Variants in DUSP22 observed in about 807,000 individuals in gnomAD.
The protein encoded by DUSP22 is dual specificity phosphatase 22, also known as dual specificity protein phosphatase 22.
DUSP22 carries 24 observed loss-of-function variants against 24.5 expected under a neutral mutation model. That is an observed-to-expected ratio of 0.98 (90% confidence interval 0.71 to 1.38). The LOEUF (loss-of-function observed/expected upper bound fraction) is 1.38. DUSP22 is among the 40% of genes most tolerant of loss of function. The pLI, the probability that DUSP22 is intolerant of heterozygous loss-of-function variation, is 0.00. For synonymous variants in DUSP22, 160 were observed against 106.4 expected (o/e 1.50, Z -3.10); for missense variants, 330 against 269.2 (o/e 1.23, Z -1.58).
chr6:327,965 G>A (rs1027537782), intron 3 of DUSP22, among the ~76,000 whole-genome samples: 27 of 152,294 alleles, frequency 1.8e-4, no homozygotes, highest in Admixed American at 1.5e-3. Flanking sequence ...TGTGAAAATG[G>A]GTCTTCTCTA....
chr6:346,350 T>C (rs1368944984), intron 5 of DUSP22, among the ~76,000 whole-genome samples: 1 of 152,304 alleles, frequency 6.6e-6, no homozygotes, highest in African/African-American at 2.4e-5. Context: ...ATGTGGATTT[T>C]CAGTATCGCG....
At chr6:294,785 G>A (rs578207796) in intron 1 of DUSP22, among the ~76,000 whole-genome samples, 901 of 152,102 alleles carry the variant, frequency 5.9e-3, no homozygotes, top group African/African-American at 0.02. Context: ...TGTGTGTGGG[G>A]GTGAGAGAGA....
chr6:296,640 C>G (rs1311046464), intron 1 of DUSP22, among the ~76,000 whole-genome samples: 1 of 152,420 alleles, frequency 6.6e-6, no homozygotes, highest in Admixed American at 6.5e-5. Context: ...AAACTCCTAT[C>G]CTCACTGTCT....
intron 1 of DUSP22, among the ~76,000 whole-genome samples, chr6:295,826 A>G (rs1465574776): frequency 6.6e-6 from 1 of 152,088 alleles, no homozygotes; most frequent in African/African-American, 2.4e-5. Context: ...AAACCCAACA[A>G]CAACACAGTT....
intron 4 of DUSP22, among the ~76,000 whole-genome samples, chr6:345,131 A>T (rs1190703308): frequency 6.6e-6 from 1 of 152,302 alleles, no homozygotes; most frequent in African/African-American, 2.4e-5. Context: ...AGGCTGAGAC[A>T]GCTCCAGCCA....
At chr6:311,797 GTTT>G in intron 2 of DUSP22, 80 bp from the exon 3 acceptor site, 14 of 1,156,978 alleles carry the variant, frequency 1.2e-5, no homozygotes, top group Admixed American at 2.8e-5. Context: ...CATTTTGTGG[GTTT>G]TTTTTTTTTT....
rs1760153300 is a variant in DUSP22 at position 350,600 on chromosome 6, G to C, written c.*1649G>C. 2.8e-6 allele frequency: 4 copies of C among 1,433,368 alleles called. No homozygotes were observed. In the Admixed American group the frequency reaches 8.2e-5, roughly 29 times the overall value. The allele number at this position is 1,433,368 out of a possible 1,614,324, so 88.8% of individuals were successfully genotyped here. Reference sequence around the variant, plus strand: ...AGGCCCCGGATGTACACCCGGAAAGGGGAGTGTGGCTGTAGAATCATCCAT... The same window carrying C: ...AGGCCCCGGATGTACACCCGGAAAGCGGAGTGTGGCTGTAGAATCATCCAT... On this transcript the variant is annotated 3_prime_UTR_variant, in exon 7 of 7. Coordinates refer to ENST00000419235, the MANE Select transcript of DUSP22 (RefSeq NM_001286555.3).
intron 1 of DUSP22, among the ~76,000 whole-genome samples, chr6:300,057 G>A (rs567867611): frequency 9.2e-5 from 14 of 152,418 alleles, no homozygotes; most frequent in East Asian, 3.9e-4. Context: ...GGTAGAGATC[G>A]TAGACTGGAG....
At chr6:309,291 TA>T (rs1421026550) in intron 2 of DUSP22, among the ~76,000 whole-genome samples, 1 of 152,296 alleles carries the variant, frequency 6.6e-6, no homozygotes, top group African/African-American at 2.4e-5. Flanking sequence ...CTGAGCCTGA[TA>T]ACTTAAAGGG....
At chr6:347,773 A>T (rs953416624) in intron 5 of DUSP22, among the ~76,000 whole-genome samples, 1 of 152,306 alleles carries the variant, frequency 6.6e-6, no homozygotes, top group African/African-American at 2.4e-5. Flanking sequence ...TCCTTGGAGT[A>T]CCTCAGTTAT....
At chr6:299,299 C>T (rs1445203936) in intron 1 of DUSP22, among the ~76,000 whole-genome samples, 2 of 152,418 alleles carry the variant, frequency 1.3e-5, no homozygotes, top group South Asian at 2.1e-4. Flanking sequence ...CCCAGGTCTC[C>T]TCTATAAATC....
intron 3 of DUSP22, among the ~76,000 whole-genome samples, chr6:313,785 A>G (rs989137936): frequency 2.0e-5 from 3 of 152,306 alleles, no homozygotes; most frequent in Non-Finnish European, 4.4e-5. Context: ...TTAATTTCAC[A>G]AGTAATTCAT....
intron 6 of DUSP22, chr6:348,485 T>G: frequency 1.1e-6 from 1 of 885,646 alleles, no homozygotes; most frequent in Non-Finnish European, 1.7e-6. Flanking sequence ...TTTGTCATTC[T>G]CCTTGTGCCT....
At chr6:344,452 AT>A (rs549490848) in intron 4 of DUSP22, among the ~76,000 whole-genome samples, 3 of 152,270 alleles carry the variant, frequency 2.0e-5, no homozygotes, top group East Asian at 3.9e-4. Flanking sequence ...CACCCAGCTA[AT>A]TTTTTTTTGG....
intron 3 of DUSP22, among the ~76,000 whole-genome samples, chr6:327,348 C>G (rs1758927994): frequency 1.3e-5 from 2 of 152,304 alleles, no homozygotes; most frequent in Non-Finnish European, 2.9e-5. Flanking sequence ...AAGGTGGAGG[C>G]CGGCCCGCAC....
At chr6:341,135 G>A (rs1379525062) in intron 4 of DUSP22, among the ~76,000 whole-genome samples, 4 of 152,296 alleles carry the variant, frequency 2.6e-5, no homozygotes, top group Admixed American at 6.5e-5. Flanking sequence ...GGGCAGGAGC[G>A]GGCATGATAG....
intron 1 of DUSP22, among the ~76,000 whole-genome samples, chr6:298,098 C>G (rs1757423830): frequency 6.6e-6 from 1 of 152,308 alleles, no homozygotes; most frequent in African/African-American, 2.4e-5. Context: ...GCTCTGGTTC[C>G]TTTCCTCTAC....
chr6:331,096 A>G (rs571267819), intron 3 of DUSP22, among the ~76,000 whole-genome samples: 1 of 152,302 alleles, frequency 6.6e-6, no homozygotes, highest in South Asian at 2.1e-4. Context: ...AAGCAAACAC[A>G]GAGCCCATTT....
At chr6:336,860 G>A (rs1759382228) in intron 4 of DUSP22, among the ~76,000 whole-genome samples, 1 of 152,306 alleles carries the variant, frequency 6.6e-6, no homozygotes. Context: ...CACACGGAAG[G>A]AAGTGAGCCA....
Sources: gnomAD v4.1 joint callset for allele counts (sites outside exome capture counted in the v4.1 genomes callset) on GRCh38, gnomAD v4.1.1 for gene constraint, MANE v1.5 for transcripts, NCBI Gene and HGNC (gene_info 2026-07-23, HGNC 2026-07-21) for gene names.